The following ANKDD1A variants were observed in gnomAD, a reference collection of about 807,000 sequenced individuals.
The protein encoded by ANKDD1A is ankyrin repeat and death domain-containing protein 1A.
In ANKDD1A, 59 loss-of-function variants were observed where a neutral mutation model predicts 63.5. That is an observed-to-expected ratio of 0.93 (90% CI 0.75 to 1.15). ANKDD1A has a LOEUF of 1.15. Among genes scored for constraint, ANKDD1A ranks in the 50% most tolerant of loss-of-function variants. ANKDD1A has a pLI of 0.00. For synonymous variants in ANKDD1A, 266 were observed against 263.9 expected (o/e 1.01, Z -0.08); for missense variants, 632 against 656.4 (o/e 0.96, Z 0.41).
intron 14 of ANKDD1A, among the ~76,000 whole-genome samples, chr15:64,951,591 C>CTTCCT (rs1566915826): frequency 8.2e-4 from 48 of 58,880 alleles, no homozygotes; most frequent in African/African-American, 1.4e-3. Flanking sequence ...TCTTCCTTTT[C>CTTCCT]TTTCTTCTTT....
At chr15:64,933,201 G>C (rs932020222) in intron 8 of ANKDD1A, among the ~76,000 whole-genome samples, 1 of 152,078 alleles carries the variant, frequency 6.6e-6, no homozygotes, top group Admixed American at 6.5e-5. Context: ...CCAGGTACTC[G>C]CTCAGCTGGG....
chr15:64,917,434 G>T lies in ANKDD1A; in HGVS notation c.187G>T (p.Ala63Ser). 1 of 1,610,724 alleles carries T rather than the reference G, an allele frequency of 6.2e-7. No homozygotes were observed. The highest frequency in any genetic ancestry group is 8.5e-7 in the Non-Finnish European group (1 of 1,179,122). The change falls in exon 3 of 15, where the codon GCT becomes TCT. Residue 63 changes from alanine to serine, a missense_variant. Ala to Ser is a moderately conservative substitution (Grantham distance 99). Transcript: ENST00000319580. ...GGCTGCAGGTGCAGGGCACGAGCAGGCTGTGCGTCTGCTTCTGGAGCACGA... is the reference window on the plus strand; with the variant it reads ...GGCTGCAGGTGCAGGGCACGAGCAGTCTGTGCGTCTGCTTCTGGAGCACGA... ...HWAAGAGHEQ[A>S]VRLLLEHEAA... is the part of the protein sequence containing the mutation.
Position 64,944,753 on chromosome 15 carries a change from G to A in ANKDD1A, c.1161+6G>A, listed in dbSNP as rs1255135470. 4 of 1,613,522 alleles carry A rather than the reference G, an allele frequency of 2.5e-6. No homozygotes were observed. Among genetic ancestry groups the A allele is most frequent in the Admixed American group, 1.7e-5 (1 of 59,982 alleles). On this transcript the variant is annotated splice_donor_region_variant and intron_variant, in intron 12 of 14. Transcript: ENST00000319580. ...GTTTCTACAGATGGGAGAAGGTACG[G>A]AGGCCTCACGCTTGATCTTTCCTCA...
intron 8 of ANKDD1A, 25 bp from the exon 9 acceptor site, chr15:64,934,111 C>G: frequency 6.3e-7 from 1 of 1,590,140 alleles, no homozygotes; most frequent in South Asian, 1.1e-5. Context: ...CTTGTGATAA[C>G]GCATTGATGC....
chr15:64,938,656 C>T (rs1050706851), intron 9 of ANKDD1A, among the ~76,000 whole-genome samples: 5 of 152,102 alleles, frequency 3.3e-5, no homozygotes, highest in Admixed American at 2.6e-4. Flanking sequence ...AAAGGATATT[C>T]GGTAGAAACT....
At chr15:64,931,203 GA>G (rs2085087946) in intron 7 of ANKDD1A, among the ~76,000 whole-genome samples, 1 of 152,150 alleles carries the variant, frequency 6.6e-6, no homozygotes, top group Non-Finnish European at 1.5e-5. Flanking sequence ...GGAGGAGAAG[GA>G]AATAGAGGGG....
chr15:64,952,939 C>T (rs374598585), intron 14 of ANKDD1A, among the ~76,000 whole-genome samples: 1 of 63,008 alleles, frequency 1.6e-5, no homozygotes, highest in Non-Finnish European at 4.0e-5. Context: ...TCTTCTTCCT[C>T]TTCTTCCTTC....
chr15:64,929,135 G>T (rs1417985951), intron 6 of ANKDD1A, among the ~76,000 whole-genome samples: 2 of 152,164 alleles, frequency 1.3e-5, no homozygotes, highest in Non-Finnish European at 2.9e-5. Flanking sequence ...AGCTGTTGAG[G>T]GCTTTTTAAA....
At chr15:64,943,786 C>G in intron 11 of ANKDD1A, 2 of 595,318 alleles carry the variant, frequency 3.4e-6, no homozygotes, top group South Asian at 3.9e-5. Context: ...GTCCTTCAGC[C>G]TTGGCCCACC....
At chr15:64,925,952 A>T (rs995519008) in intron 4 of ANKDD1A, 114 bp from the exon 5 acceptor site, 1 of 873,354 alleles carries the variant, frequency 1.1e-6, no homozygotes, top group Non-Finnish European at 1.8e-6. Flanking sequence ...ACAGTGTTGT[A>T]TCCATGGGGA....
chr15:64,921,428 G>A (rs1418936065), intron 3 of ANKDD1A, among the ~76,000 whole-genome samples: 1 of 152,238 alleles, frequency 6.6e-6, no homozygotes, highest in African/African-American at 2.4e-5. Context: ...AGGCTGGAGT[G>A]CAGTGGCATG....
Position 64,949,977 on chromosome 15 carries a change from G to T in ANKDD1A, c.1483+5G>T. ...TTGGCAGGAGGGACCTGGCTGGTAA[G>T]AGCGTACTCTGCTGGGCTGCTTCTC... is the stretch of plus-strand genomic sequence containing the variant. On this transcript the variant is annotated splice_donor_5th_base_variant and intron_variant, in intron 14 of 14. Coordinates refer to ENST00000319580, the MANE Select transcript of ANKDD1A (RefSeq NM_182703.6). 1 of 1,608,884 alleles carries T rather than the reference G, an allele frequency of 6.2e-7. No homozygotes were observed.
intron 10 of ANKDD1A, 127 bp from the exon 11 acceptor site, chr15:64,943,357 C>A: frequency 1.3e-6 from 1 of 774,572 alleles, no homozygotes; most frequent in Non-Finnish European, 2.2e-6. Flanking sequence ...AACCAACAAA[C>A]TGAAAACATT....
chr15:64,930,716 G>T (rs967649791), intron 6 of ANKDD1A, 106 bp from the exon 7 acceptor site: 15 of 1,095,978 alleles, frequency 1.4e-5, no homozygotes, highest in Non-Finnish European at 1.8e-5. Flanking sequence ...CCAGTTGTCA[G>T]GAGCAGGGTG....
chr15:64,949,909 G>C lies in ANKDD1A; in HGVS notation c.1420G>C (p.Gly474Arg). ...LIWLHGVATA[G>R]ENPSKALFEG... ...TTGGCTGCATGGCGTGGCCACGGCT[G>C]GTGAGAACCCCAGCAAAGCGCTGTT... The change falls in exon 14 of 15, where the codon GGT (glycine) becomes CGT (arginine). Residue 474 changes from glycine (G) to arginine (R), a missense_variant. Coordinates refer to ENST00000319580, the MANE Select transcript of ANKDD1A (RefSeq NM_182703.6). 6.2e-7 allele frequency: 1 copy of C among 1,608,472 alleles called. No homozygotes were observed. Among genetic ancestry groups the C allele is most frequent in the East Asian group, 2.2e-5 (1 of 44,888 alleles).
chr15:64,916,830 C>A (rs1456995708), intron 2 of ANKDD1A, among the ~76,000 whole-genome samples: 1 of 152,130 alleles, frequency 6.6e-6, no homozygotes, highest in Non-Finnish European at 1.5e-5. Context: ...GGCACAGGGG[C>A]CACAGGCCAG....
intron 14 of ANKDD1A, among the ~76,000 whole-genome samples, chr15:64,955,719 C>G (rs1299026228): frequency 6.6e-6 from 1 of 152,130 alleles, no homozygotes; most frequent in African/African-American, 2.4e-5. Context: ...CTGCATTGAG[C>G]CTGAGACTGG....
At chr15:64,912,056 T>C (rs554983945) in intron 1 of ANKDD1A, 92 bp downstream of exon 1, 6 of 1,181,306 alleles carry the variant, frequency 5.1e-6, no homozygotes, top group Non-Finnish European at 6.4e-6. Context: ...GTTGGCGCCC[T>C]CCGAACGGCC....
At chr15:64,945,124 T>C (rs1351968996) in intron 12 of ANKDD1A, among the ~76,000 whole-genome samples, 1 of 152,192 alleles carries the variant, frequency 6.6e-6, no homozygotes, top group Non-Finnish European at 1.5e-5. Context: ...CTCAGGCAAC[T>C]TTCTGAGCCA....
Sources: gnomAD v4.1 joint callset for allele counts (sites outside exome capture counted in the v4.1 genomes callset) on GRCh38, gnomAD v4.1.1 for gene constraint, MANE v1.5 for transcripts, NCBI Gene and HGNC (gene_info 2026-07-23, HGNC 2026-07-21) for gene names.